The following SLC1A3 variants were observed in gnomAD, a reference collection of about 807,000 sequenced individuals.
SLC1A3 encodes excitatory amino acid transporter 1.
In SLC1A3, 21 loss-of-function variants were observed where a neutral mutation model predicts 48.1. The observed-to-expected ratio is 0.44, with a 90% CI of 0.31 to 0.63. The LOEUF (loss-of-function observed/expected upper bound fraction) is 0.63, where lower values mean the gene tolerates loss of function less well. Ranked by LOEUF, SLC1A3 falls within the 20% of genes least tolerant of loss-of-function variation. The pLI, the probability that SLC1A3 is intolerant of heterozygous loss-of-function variation, is 0.08. For missense variants in SLC1A3, 546 were observed against 689.0 expected (o/e 0.79, Z 2.32); for synonymous variants, 239 against 251.4 (o/e 0.95, Z 0.47).
In SLC1A3 at chr5:36,680,518, G is replaced by A. The variant is rs1742397008; in HGVS notation, c.1218G>A (p.Glu406=). Residue 406 remains glutamate, a synonymous_variant, in exon 8 of 10, where the codon GAG becomes GAA. Transcript: ENST00000265113. ...ACATGGATGGGACTGCCCTCTATGA[G>A]GCTTTGGCTGCCATTTTCATTGCTC... The part of the protein sequence containing the change: ...TINMDGTALY[E]ALAAIFIAQV... The A allele has an allele frequency of 1.2e-6, 2 of 1,614,076 alleles. No homozygotes were observed. The highest frequency in any genetic ancestry group is 1.1e-5 in the South Asian group (1 of 91,096).
intron 3 of SLC1A3, among the ~76,000 whole-genome samples, chr5:36,670,271 G>A (rs1741934322): frequency 6.6e-6 from 1 of 152,158 alleles, no homozygotes; most frequent in African/African-American, 2.4e-5. Flanking sequence ...GAGGGAAAGA[G>A]GGATATTTAG....
chr5:36,641,227 G>A (rs1740606766), intron 3 of SLC1A3, among the ~76,000 whole-genome samples: 1 of 152,084 alleles, frequency 6.6e-6, no homozygotes, highest in Non-Finnish European at 1.5e-5. Flanking sequence ...TGCATGTATG[G>A]GCACACATAG....
chr5:36,652,520 G>A (rs530277369), intron 3 of SLC1A3, among the ~76,000 whole-genome samples: 1 of 152,116 alleles, frequency 6.6e-6, no homozygotes, highest in Non-Finnish European at 1.5e-5. Context: ...ATGTGTGTTT[G>A]GTGTGTTCTT....
intron 8 of SLC1A3, among the ~76,000 whole-genome samples, 188 bp downstream of exon 8, chr5:36,680,777 C>T (rs1341336691): frequency 6.6e-6 from 1 of 152,074 alleles, no homozygotes; most frequent in Admixed American, 6.5e-5. Context: ...ATTAGCCAGG[C>T]CTGGTGGCAC....
chr5:36,680,777 C>A (rs1341336691), intron 8 of SLC1A3, among the ~76,000 whole-genome samples, 188 bp downstream of exon 8: 1 of 152,074 alleles, frequency 6.6e-6, no homozygotes, highest in Non-Finnish European at 1.5e-5. Flanking sequence ...ATTAGCCAGG[C>A]CTGGTGGCAC....
intron 3 of SLC1A3, among the ~76,000 whole-genome samples, chr5:36,635,609 T>C (rs996535335): frequency 6.6e-6 from 1 of 152,226 alleles, no homozygotes; most frequent in East Asian, 1.9e-4. Context: ...TTCGATTACC[T>C]TATCACAGCT....
chr5:36,648,182 A>AT (rs1740910665), intron 3 of SLC1A3, among the ~76,000 whole-genome samples: 1 of 152,038 alleles, frequency 6.6e-6, no homozygotes, highest in South Asian at 2.1e-4. Flanking sequence ...TTTTTTTATG[A>AT]TTATACTGTC....
At chr5:36,596,909 A>T (rs1266066829) in intron 1 of SLC1A3, among the ~76,000 whole-genome samples, 1 of 152,180 alleles carries the variant, frequency 6.6e-6, no homozygotes, top group Non-Finnish European at 1.5e-5. Flanking sequence ...CAGAGCACGG[A>T]TGGGGGCCTG....
At chr5:36,682,692 C>T (rs959643063) in intron 8 of SLC1A3, among the ~76,000 whole-genome samples, 10 of 152,242 alleles carry the variant, frequency 6.6e-5, no homozygotes, top group South Asian at 2.1e-4. Context: ...CCAGGTGGTC[C>T]GGGATGACTC....
intron 3 of SLC1A3, among the ~76,000 whole-genome samples, chr5:36,663,438 C>T (rs1298208782): frequency 7.4e-6 from 1 of 135,408 alleles, no homozygotes; most frequent in African/African-American, 2.8e-5. Flanking sequence ...AGACGGGGTC[C>T]CCATGTTGGC....
chr5:36,643,886 C>T lies in SLC1A3; in HGVS notation c.319+14299C>T, dbSNP rs373281942. ...GCATGAGCCTGTAATCCCAGCTACTCGAGAGGCTGAGGCAGGAGAATTGCT... is the reference window on the plus strand; with the variant it reads ...GCATGAGCCTGTAATCCCAGCTACTTGAGAGGCTGAGGCAGGAGAATTGCT... On this transcript the variant is annotated intron_variant, in intron 3 of 9. Transcript: ENST00000265113. Among the ~76,000 whole-genome samples, 52 of 152,026 alleles carry T rather than the reference C, an allele frequency of 3.4e-4. No homozygotes were observed. The East Asian group carries it at 8.3e-3, about 24-fold the overall frequency.
At chr5:36,656,491 G>C (rs77625917) in intron 3 of SLC1A3, among the ~76,000 whole-genome samples, 10 of 152,054 alleles carry the variant, frequency 6.6e-5, no homozygotes, top group Non-Finnish European at 1.2e-4. Context: ...TTCTGTACTC[G>C]TGTACTTAGC....
Position 36,686,425 on chromosome 5 carries a change from G to A in SLC1A3, c.*156G>A. The A allele has an allele frequency of 1.5e-6, 1 of 678,970 alleles. No individual in the cohort carries two copies. Among genetic ancestry groups the A allele is most frequent in the Non-Finnish European group, 2.6e-6 (1 of 387,384 alleles). 42.1% of individuals were successfully genotyped at this position (678,970 alleles called of 1,614,324 possible). Reference sequence around the variant, plus strand: ...AAATAGTCCTCCAAAACACAAGGGAGGATTTTGGGTGGCCAAAGTGTACAA... The same window carrying A: ...AAATAGTCCTCCAAAACACAAGGGAAGATTTTGGGTGGCCAAAGTGTACAA... On this transcript the variant is annotated 3_prime_UTR_variant, in exon 10 of 10. Transcript: ENST00000265113.
rs534267636 is a variant in SLC1A3, at chr5:36,597,379, T to C, written c.-96+701T>C. Reference sequence around the variant, plus strand: ...CTCCTGCCTCAGCCTCCCCAGCAGCTGGGACAGGGGCACGCCGCCACGCCC... The same window carrying C: ...CTCCTGCCTCAGCCTCCCCAGCAGCCGGGACAGGGGCACGCCGCCACGCCC... On this transcript the variant is annotated intron_variant, in intron 1 of 9. Coordinates refer to the SLC1A3 transcript ENST00000680318. Among the ~76,000 whole-genome samples the C allele has an allele frequency of 2.2e-4, 33 of 151,138 alleles. No individual in the cohort carries two copies. The South Asian group carries it at 6.7e-3, about 31-fold the overall frequency.
At chr5:36,604,902 G>A (rs1468568327), upstream of SLC1A3, among the ~76,000 whole-genome samples, 1 of 42,204 alleles carries the variant, frequency 2.4e-5, no homozygotes, top group African/African-American at 1.6e-4. Context: ...AAAAAAAAAA[G>A]CGGTGGGGGG....
Position 36,651,850 on chromosome 5 carries a change from T to C in SLC1A3, c.320-19179T>C, listed in dbSNP as rs376241131. ...TAAAGTGTTGTGAAAGTCTCCACTT[T>C]CATGTTAAAAAGTACTATATGCTGC... On this transcript the variant is annotated intron_variant, in intron 3 of 9. Coordinates refer to ENST00000265113, the MANE Select transcript of SLC1A3 (RefSeq NM_004172.5). 2.6e-5 allele frequency among the ~76,000 whole-genome samples: 4 copies of C among 152,224 alleles called. No individual in the cohort carries two copies. The East Asian group carries it at 5.8e-4, about 22-fold the overall frequency.
upstream of SLC1A3, among the ~76,000 whole-genome samples, chr5:36,601,652 G>T (rs1471791696): frequency 6.6e-6 from 1 of 152,092 alleles, no homozygotes; most frequent in Non-Finnish European, 1.5e-5. Context: ...TTAAGGAGGT[G>T]CCTCACCCAG....
intron 3 of SLC1A3, among the ~76,000 whole-genome samples, chr5:36,637,499 G>A (rs1213831124): frequency 3.9e-5 from 6 of 152,144 alleles, no homozygotes; most frequent in Non-Finnish European, 8.8e-5. Context: ...TTCTCGTTTG[G>A]AAGAAATTTT....
rs949497917 is a variant in SLC1A3, at chr5:36,687,702, G to C, written c.*1433G>C. 5 of 152,460 alleles carry C rather than the reference G, an allele frequency of 3.3e-5. No individual in the cohort carries two copies. Among genetic ancestry groups the C allele is most frequent in the African/African-American group, 1.2e-4 (5 of 41,410 alleles). 9.4% of individuals were successfully genotyped at this position (152,460 alleles called of 1,614,324 possible). On this transcript the variant is annotated 3_prime_UTR_variant, in exon 10 of 10. Coordinates refer to ENST00000265113, the MANE Select transcript of SLC1A3 (RefSeq NM_004172.5). ...CTGGAGTGGGGTTTGCTTTTGTTTT[G>C]TTTGTGTCCATAAGAGAAATGGTAG... is the stretch of plus-strand genomic sequence containing the variant.
Sources: allele counts gnomAD v4.1 joint callset (sites outside exome capture counted in the v4.1 genomes callset), GRCh38; gene constraint gnomAD v4.1.1; transcripts MANE v1.5; gene names NCBI Gene and HGNC (gene_info 2026-07-23, HGNC 2026-07-21).